Variants in SH2D4A observed in about 807,000 individuals in gnomAD.
SH2D4A encodes SH2 domain-containing protein 4A.
SH2D4A carries 70 observed loss-of-function variants against 64.7 expected under a neutral mutation model. That is an observed-to-expected ratio of 1.08 (90% CI 0.89 to 1.32). The LOEUF (loss-of-function observed/expected upper bound fraction) is 1.32, where lower values mean the gene tolerates loss of function less well. Ranked by LOEUF, SH2D4A falls within the 40% of genes most tolerant of loss-of-function variation. The pLI, the probability that SH2D4A is intolerant of heterozygous loss-of-function variation, is 0.00. For synonymous variants in SH2D4A, 268 were observed against 200.7 expected (o/e 1.34, Z -2.83); for missense variants, 706 against 540.1 (o/e 1.31, Z -3.04).
intron 3 of SH2D4A, among the ~76,000 whole-genome samples, chr8:19,333,511 C>G (rs989188559): frequency 6.6e-6 from 1 of 152,096 alleles, no homozygotes; most frequent in African/African-American, 2.4e-5. Context: ...GTATCAGGAA[C>G]ATATGTGAGA....
intron 4 of SH2D4A, among the ~76,000 whole-genome samples, chr8:19,341,542 A>G (rs867971438): frequency 2.0e-5 from 3 of 152,304 alleles, no homozygotes; most frequent in Middle Eastern, 3.4e-3. Context: ...TAAATTTCCA[A>G]TGAAAGGTCA....
chr8:19,332,583 A>G (rs910217034), intron 2 of SH2D4A, among the ~76,000 whole-genome samples: 1 of 141,998 alleles, frequency 7.0e-6, no homozygotes, highest in Non-Finnish European at 1.5e-5. Context: ...CTGTAATCCC[A>G]GCTACTTGGG....
chr8:19,379,212 T>A (rs920476175), intron 8 of SH2D4A, among the ~76,000 whole-genome samples: 1 of 152,168 alleles, frequency 6.6e-6, no homozygotes, highest in African/African-American at 2.4e-5. Context: ...ACTACCATGG[T>A]GCTTTCTCTA....
intron 2 of SH2D4A, among the ~76,000 whole-genome samples, chr8:19,330,306 A>G (rs1323202403): frequency 1.3e-5 from 2 of 151,496 alleles, no homozygotes; most frequent in African/African-American, 2.4e-5. Context: ...CAGTATCCCC[A>G]CTCTCTGAGC....
chr8:19,382,771 TG>T (rs60093921), intron 8 of SH2D4A, among the ~76,000 whole-genome samples: 40,021 of 150,600 alleles, frequency 0.27, 5,908 homozygotes, highest in Non-Finnish European at 0.34. Context: ...GACCATCCTT[TG>T]TATGTGATGA....
Position 19,316,465 on chromosome 8 carries a change from G to A in SH2D4A, c.-205+2642G>A, listed in dbSNP as rs571056809. Among the ~76,000 whole-genome samples the A allele has an allele frequency of 3.4e-4, 52 of 152,272 alleles. 1 individual carries two copies. In the East Asian group the frequency reaches 7.9e-3, roughly 23 times the overall value. On this transcript the variant is annotated intron_variant, in intron 1 of 9. Transcript: ENST00000265807. ...CGAAGTGGATGACTAAGTGCAAGGGGAAATGGGACTAAGTGTCTGGTGAAT... is the reference window on the plus strand; with the variant it reads ...CGAAGTGGATGACTAAGTGCAAGGGAAAATGGGACTAAGTGTCTGGTGAAT...
intron 8 of SH2D4A, 34 bp downstream of exon 8, chr8:19,373,694 C>G: frequency 6.2e-7 from 1 of 1,603,482 alleles, no homozygotes; most frequent in Non-Finnish European, 8.5e-7. Context: ...GGTGTTTCGT[C>G]TTAGGGCGGA....
At position 19,393,362 on chromosome 8, in the gene SH2D4A, G is replaced by A; in HGVS notation, c.1093G>A (p.Gly365Ser). The change falls in exon 9 of 10, where the codon GGC (glycine) becomes AGC (serine). Residue 365 changes from glycine to serine, a missense_variant. Transcript: ENST00000265807. ...AGCAAATGAACTTCTTCTGAGCACA[G>A]GCATGCCCGGCAGTTTTCTCATCCG... is the stretch of plus-strand genomic sequence containing the variant. ...KKANELLLST[G>S]MPGSFLIRVS... 2 of 1,614,058 alleles carry A rather than the reference G, an allele frequency of 1.2e-6. No homozygotes were observed. Among genetic ancestry groups the A allele is most frequent in the Non-Finnish European group, 1.7e-6 (2 of 1,179,932 alleles).
At position 19,356,976 on chromosome 8, in the gene SH2D4A, G is replaced by C. The variant is rs534195747; in HGVS notation, c.514-227G>C. 9.2e-5 allele frequency among the ~76,000 whole-genome samples: 14 copies of C among 152,264 alleles called. No homozygotes were observed. In the East Asian group the frequency reaches 2.7e-3, roughly 29 times the overall value. On this transcript the variant is annotated intron_variant, in intron 4 of 9. Transcript: ENST00000265807. The stretch of plus-strand genomic sequence containing the variant: ...CCAAACCACCAGCTCCTCGCTCTTG[G>C]GCAACAATTCCTTTCTAAGCCCTAC...
At chr8:19,378,783 C>A (rs933398001) in intron 8 of SH2D4A, among the ~76,000 whole-genome samples, 1 of 151,790 alleles carries the variant, frequency 6.6e-6, no homozygotes, top group Non-Finnish European at 1.5e-5. Context: ...TGGTGGCTCC[C>A]ATCTATAATC....
At position 19,313,746 on chromosome 8, in the gene SH2D4A, C is replaced by T; in HGVS notation, c.-282C>T. The T allele has an allele frequency of 1.3e-6, 2 of 1,509,746 alleles. No individual in the cohort carries two copies. Among genetic ancestry groups the T allele is most frequent in the Non-Finnish European group, 1.8e-6 (2 of 1,134,612 alleles). 93.5% of individuals were successfully genotyped at this position (1,509,746 alleles called of 1,614,324 possible). A position where few individuals can be genotyped will look rare whatever the true frequency, so the allele number is the denominator to read the frequency against. On this transcript the variant is annotated 5_prime_UTR_variant, in exon 1 of 10. Transcript: ENST00000265807. ...GGGACGCCTCTGCCTTTCCCTCCCT[C>T]CCTTCCCCGACGGCTTCTGGCGGCC...
chr8:19,352,603 C>T (rs905381916), intron 4 of SH2D4A, among the ~76,000 whole-genome samples: 9 of 152,332 alleles, frequency 5.9e-5, no homozygotes, highest in African/African-American at 2.2e-4. Flanking sequence ...ACCGTAGTGG[C>T]TGTTATGCGT....
At chr8:19,338,316 A>G (rs1313190658) in intron 4 of SH2D4A, among the ~76,000 whole-genome samples, 1 of 152,122 alleles carries the variant, frequency 6.6e-6, no homozygotes, top group African/African-American at 2.4e-5. Context: ...CCCTCTATCA[A>G]AAGGGGATAA....
At position 19,319,413 on chromosome 8, in the gene SH2D4A, TC is replaced by T. The variant is rs2052146127; in HGVS notation, c.-132del. On this transcript the variant is annotated 5_prime_UTR_variant, in exon 2 of 10. Transcript: ENST00000265807. The stretch of plus-strand genomic sequence containing the variant: ...GAGTAGCCAGTTTGCTGAATTATTG[TC>T]CCAGTCAGCCAGGATTGTGAGCTGT... The T allele has an allele frequency of 7.6e-7, 1 of 1,307,642 alleles. No individual in the cohort carries two copies. 81.0% of individuals were successfully genotyped at this position (1,307,642 alleles called of 1,614,324 possible).
intron 6 of SH2D4A, 158 bp downstream of exon 6, chr8:19,361,472 G>A (rs1270512655): frequency 4.3e-6 from 3 of 695,780 alleles, no homozygotes; most frequent in Non-Finnish European, 6.4e-6. Context: ...TTACTCAAAT[G>A]CTTACAGGCT....
chr8:19,395,313 C>G lies in SH2D4A; in HGVS notation c.*671C>G, dbSNP rs1016078873. The G allele has an allele frequency of 2.0e-5, 3 of 152,170 alleles. No individual in the cohort carries two copies. Among genetic ancestry groups the G allele is most frequent in the Non-Finnish European group, 2.9e-5 (2 of 68,042 alleles). 9.4% of individuals were successfully genotyped at this position (152,170 alleles called of 1,614,324 possible). On this transcript the variant is annotated 3_prime_UTR_variant, in exon 10 of 10. Transcript: ENST00000265807. ...TGGCCTGGCCTCCCCTGGATATACT[C>G]TATAGTGCACCAAAAGGATAAAGCA...
chr8:19,336,876 AG>A lies in SH2D4A; in HGVS notation c.513+2020del, dbSNP rs537432440. ...AGTGAGACCCTAAGTCTTAAAAAAAAGTATTAAGTATGTATGCTTATATTTG... is the reference window on the plus strand; with the variant it reads ...AGTGAGACCCTAAGTCTTAAAAAAAATATTAAGTATGTATGCTTATATTTG... On this transcript the variant is annotated intron_variant, in intron 4 of 9. Coordinates refer to ENST00000265807, the MANE Select transcript of SH2D4A (RefSeq NM_022071.4). Among the ~76,000 whole-genome samples the A allele has an allele frequency of 1.3e-4, 20 of 152,314 alleles. No homozygotes were observed. In the South Asian group the frequency reaches 3.7e-3, roughly 28 times the overall value.
chr8:19,364,596 C>T (rs2052958010), intron 7 of SH2D4A, among the ~76,000 whole-genome samples: 1 of 152,036 alleles, frequency 6.6e-6, no homozygotes, highest in Non-Finnish European at 1.5e-5. Context: ...CCCCCCTCCC[C>T]CCCAGAGGCA....
In SH2D4A at chr8:19,394,874, G is replaced by A; in HGVS notation, c.*232G>A. ...AAAAGGGAGAAGAGTCTCAATTTCA[G>A]CAAGTACCTGTCATGAAGGGTATGA... is the stretch of plus-strand genomic sequence containing the variant. On this transcript the variant is annotated 3_prime_UTR_variant, in exon 10 of 10. Coordinates refer to ENST00000265807, the MANE Select transcript of SH2D4A (RefSeq NM_022071.4). The A allele has an allele frequency of 2.7e-6, 1 of 370,826 alleles. No homozygotes were observed. Among genetic ancestry groups the A allele is most frequent in the Non-Finnish European group, 4.8e-6 (1 of 207,324 alleles). 23.0% of individuals were successfully genotyped at this position (370,826 alleles called of 1,614,324 possible).
Sources: allele counts gnomAD v4.1 joint callset (sites outside exome capture counted in the v4.1 genomes callset), GRCh38; gene constraint gnomAD v4.1.1; transcripts MANE v1.5; gene names NCBI Gene and HGNC (gene_info 2026-07-23, HGNC 2026-07-21).